Variants in CNTN5 observed in about 807,000 individuals in gnomAD.
CNTN5 encodes contactin 5, also known as contactin-5.
CNTN5 carries 77 observed loss-of-function variants against 129.1 expected under a neutral mutation model. That is an observed-to-expected ratio of 0.60 (90% confidence interval 0.50 to 0.72). CNTN5 has a LOEUF of 0.72. Ranked by LOEUF, CNTN5 falls within the 30% of genes least tolerant of loss-of-function variation. CNTN5 has a pLI of 0.00. For synonymous variants in CNTN5, 509 were observed against 465.6 expected (o/e 1.09, Z -1.20); for missense variants, 1,478 against 1,328.8 (o/e 1.11, Z -1.75).
intron 13 of CNTN5, among the ~76,000 whole-genome samples, chr11:100,170,148 A>G (rs532805312): frequency 6.6e-6 from 1 of 152,118 alleles, no homozygotes; most frequent in Admixed American, 6.6e-5. Flanking sequence ...TAGTCCTTGC[A>G]CAGTAATAGC....
chr11:99,767,543 G>C (rs1429513182), intron 3 of CNTN5, among the ~76,000 whole-genome samples: 2 of 151,602 alleles, frequency 1.3e-5, no homozygotes, highest in Non-Finnish European at 2.9e-5. Flanking sequence ...AATAGTACAT[G>C]CCCACATTTG....
intron 3 of CNTN5, among the ~76,000 whole-genome samples, chr11:99,780,180 T>C (rs1192428038): frequency 6.6e-6 from 1 of 152,030 alleles, no homozygotes; most frequent in Non-Finnish European, 1.5e-5. Flanking sequence ...CTTAGTTTTT[T>C]TCCCCCCCTT....
rs1453585444 is a variant in CNTN5 at position 100,356,874 on chromosome 11, A to C, written c.*654A>C. On this transcript the variant is annotated 3_prime_UTR_variant, in exon 25 of 25. Coordinates refer to ENST00000524871, the MANE Select transcript of CNTN5 (RefSeq NM_014361.4). Reference sequence around the variant, plus strand: ...GGGAATAAGCCATTTACATTAGTGCAAGATAGAAAGCGAGTCCAGATGAAT... The same window carrying C: ...GGGAATAAGCCATTTACATTAGTGCCAGATAGAAAGCGAGTCCAGATGAAT... The C allele has an allele frequency of 6.6e-6, 1 of 151,848 alleles. No homozygotes were observed. The highest frequency in any genetic ancestry group is 1.5e-5 in the Non-Finnish European group (1 of 67,842). 9.4% of individuals were successfully genotyped at this position (151,848 alleles called of 1,614,324 possible).
chr11:99,128,241 C>A (rs77535053), intron 1 of CNTN5, among the ~76,000 whole-genome samples: 1 of 152,002 alleles, frequency 6.6e-6, no homozygotes, highest in Non-Finnish European at 1.5e-5. Context: ...CTAAGACTAC[C>A]GAGTTCATGG....
At chr11:99,470,814 AT>A (rs141021367) in intron 2 of CNTN5, among the ~76,000 whole-genome samples, 27 of 149,814 alleles carry the variant, frequency 1.8e-4, no homozygotes, top group African/African-American at 4.5e-4. Flanking sequence ...TCACAAATTT[AT>A]TTTTTTTTAT....
intron 2 of CNTN5, among the ~76,000 whole-genome samples, chr11:99,398,556 C>T (rs1941643555): frequency 3.3e-5 from 5 of 152,022 alleles, no homozygotes; most frequent in Middle Eastern, 3.4e-3. Context: ...CACTTACCAT[C>T]CCTATTTTTT....
At chr11:100,205,916 C>G (rs1948902759) in intron 15 of CNTN5, among the ~76,000 whole-genome samples, 1 of 152,182 alleles carries the variant, frequency 6.6e-6, no homozygotes. Context: ...TATTTTATCT[C>G]AGTTCCATGG....
At chr11:100,177,086 A>G (rs568158604) in intron 13 of CNTN5, among the ~76,000 whole-genome samples, 1 of 152,192 alleles carries the variant, frequency 6.6e-6, no homozygotes, top group Admixed American at 6.6e-5. Flanking sequence ...TTGTAATTTT[A>G]GAAATTAAAT....
chr11:99,267,920 G>GCACACACA lies in CNTN5; in HGVS notation c.-209-57395_-209-57388dup, dbSNP rs141288502. ...CTATCAAGTAAACACACACACACAC[G>GCACACACA]CACACACACACACACACACACACAC... On this transcript the variant is annotated intron_variant, in intron 1 of 24. Transcript: ENST00000524871. Among the ~76,000 whole-genome samples, 190 of 140,538 alleles carry GCACACACA rather than the reference G, an allele frequency of 1.4e-3. 1 individual carries two copies. Among genetic ancestry groups the GCACACACA allele is most frequent in the African/African-American group, 4.7e-3 (184 of 38,918 alleles). 92.2% of individuals were successfully genotyped at this position (140,538 alleles called of 152,430 possible). A position where few individuals can be genotyped will look rare whatever the true frequency, so the allele number is the denominator to read the frequency against.
intron 1 of CNTN5, among the ~76,000 whole-genome samples, chr11:99,212,440 C>T (rs1479674847): frequency 1.3e-5 from 2 of 152,050 alleles, no homozygotes; most frequent in Non-Finnish European, 2.9e-5. Flanking sequence ...TCGATAATAC[C>T]TACACTTTCC....
At chr11:99,179,885 C>T (rs539464873) in intron 1 of CNTN5, among the ~76,000 whole-genome samples, 1 of 152,288 alleles carries the variant, frequency 6.6e-6, no homozygotes, top group South Asian at 2.1e-4. Context: ...TCATATCCTT[C>T]AAACATTGAA....
intron 3 of CNTN5, among the ~76,000 whole-genome samples, chr11:99,683,059 C>A (rs1367780435): frequency 2.6e-5 from 4 of 151,752 alleles, no homozygotes; most frequent in Admixed American, 2.0e-4. Context: ...ACATATAATT[C>A]CATGGTTGAT....
At chr11:99,903,597 T>C (rs1281796708) in intron 6 of CNTN5, among the ~76,000 whole-genome samples, 1 of 152,092 alleles carries the variant, frequency 6.6e-6, no homozygotes, top group Admixed American at 6.6e-5. Flanking sequence ...TAGAGTCTAG[T>C]GGAGGCAAAA....
intron 1 of CNTN5, among the ~76,000 whole-genome samples, chr11:99,033,960 T>G (rs1262252765): frequency 2.0e-5 from 3 of 151,814 alleles, no homozygotes; most frequent in Non-Finnish European, 4.4e-5. Flanking sequence ...CCTAATTTAT[T>G]GAGAGTTTTT....
At position 99,877,710 on chromosome 11, in the gene CNTN5, A is replaced by G. The variant is rs1030232375; in HGVS notation, c.577+32448A>G. 3.9e-5 allele frequency among the ~76,000 whole-genome samples: 6 copies of G among 152,350 alleles called. No homozygotes were observed. In the East Asian group the frequency reaches 1.2e-3, roughly 29 times the overall value. ...AAATTACATGCTGTAGTAATATACA[A>G]TACTGTGCAGCTTTATACAGTACTA... On this transcript the variant is annotated intron_variant, in intron 6 of 24. Coordinates refer to ENST00000524871, the MANE Select transcript of CNTN5 (RefSeq NM_014361.4).
intron 3 of CNTN5, among the ~76,000 whole-genome samples, chr11:99,618,077 A>C (rs1244096619): frequency 6.6e-6 from 1 of 152,166 alleles, no homozygotes; most frequent in East Asian, 1.9e-4. Flanking sequence ...AACTATATTC[A>C]AGGATGAGAA....
chr11:99,037,976 GTATT>G (rs1240236884), intron 1 of CNTN5, among the ~76,000 whole-genome samples: 5 of 152,004 alleles, frequency 3.3e-5, no homozygotes, highest in East Asian at 1.9e-4. Context: ...AAACACGGGG[GTATT>G]TATTTAATTA....
intron 16 of CNTN5, among the ~76,000 whole-genome samples, chr11:100,233,358 A>G (rs770828721): frequency 2.0e-5 from 3 of 152,226 alleles, no homozygotes; most frequent in South Asian, 2.1e-4. Context: ...CCTAGGAGTC[A>G]GAGAATTTCT....
intron 1 of CNTN5, among the ~76,000 whole-genome samples, chr11:99,035,995 G>C (rs1038494098): frequency 2.6e-5 from 4 of 151,944 alleles, no homozygotes; most frequent in African/African-American, 9.7e-5. Flanking sequence ...GCATTTGCTT[G>C]TCTGTAAAGT....
Sources: allele counts gnomAD v4.1 joint callset (sites outside exome capture counted in the v4.1 genomes callset), GRCh38; gene constraint gnomAD v4.1.1; transcripts MANE v1.5; gene names NCBI Gene and HGNC (gene_info 2026-07-23, HGNC 2026-07-21).